IGF1R: variants seen among roughly 807,000 people sequenced by gnomAD.
The protein encoded by IGF1R is insulin like growth factor 1 receptor.
IGF1R carries 44 observed loss-of-function variants against 144.6 expected under a neutral mutation model. The ratio of observed to expected loss-of-function variants is 0.30; its 90% CI spans 0.24 to 0.39. The LOEUF (loss-of-function observed/expected upper bound fraction) is 0.39. IGF1R is among the 10% of genes least tolerant of loss of function. The pLI is 1.00. For missense variants in IGF1R, 1,355 were observed against 1,833.7 expected (o/e 0.74, Z 4.77); for synonymous variants, 795 against 722.8 (o/e 1.10, Z -1.60).
chr15:98,905,655 C>G (rs1483700072), intron 5 of IGF1R, among the ~76,000 whole-genome samples: 3 of 150,318 alleles, frequency 2.0e-5, no homozygotes, highest in Non-Finnish European at 4.4e-5. Flanking sequence ...CAGAGTGAGA[C>G]CCTGTCTCAA....
At chr15:98,726,704 C>T (rs1697703998) in intron 2 of IGF1R, among the ~76,000 whole-genome samples, 1 of 145,314 alleles carries the variant, frequency 6.9e-6, no homozygotes, top group Non-Finnish European at 1.5e-5. Flanking sequence ...TTCATTTTTA[C>T]ATTGATGATT....
chr15:98,914,703 C>G lies in IGF1R; in HGVS notation c.1829-1261C>G, dbSNP rs535109173. Among the ~76,000 whole-genome samples the G allele has an allele frequency of 5.3e-5, 8 of 152,314 alleles. No individual in the cohort carries two copies. The South Asian group carries it at 1.2e-3, about 24-fold the overall frequency. ...TGACAGATTCTCAAGAAACCTGTTTCCTTTCCACAAAGATGGAAACCAGGC... is the reference window on the plus strand; with the variant it reads ...TGACAGATTCTCAAGAAACCTGTTTGCTTTCCACAAAGATGGAAACCAGGC... On this transcript the variant is annotated intron_variant, in intron 8 of 20. Coordinates refer to ENST00000650285, the MANE Select transcript of IGF1R (RefSeq NM_000875.5).
intron 13 of IGF1R, among the ~76,000 whole-genome samples, chr15:98,925,388 A>T (rs1248655862): frequency 6.6e-6 from 1 of 152,266 alleles, no homozygotes; most frequent in African/African-American, 2.4e-5. Context: ...TTTGACCAAC[A>T]AAACTTAGTA....
intron 19 of IGF1R, among the ~76,000 whole-genome samples, chr15:98,947,238 T>G (rs553054485): frequency 6.6e-6 from 1 of 152,226 alleles, no homozygotes; most frequent in South Asian, 2.1e-4. Context: ...TTGCTAAGAT[T>G]CTATTTCTGT....
At chr15:98,720,600 A>G (rs1295263121) in intron 2 of IGF1R, among the ~76,000 whole-genome samples, 1 of 152,186 alleles carries the variant, frequency 6.6e-6, no homozygotes, top group Non-Finnish European at 1.5e-5. Context: ...CTGAGGGATA[A>G]CGGATGTAGG....
chr15:98,801,796 A>C (rs9282712), intron 2 of IGF1R, among the ~76,000 whole-genome samples: 19 of 152,280 alleles, frequency 1.2e-4, no homozygotes, highest in African/African-American at 4.1e-4. Context: ...CTGGGTTTTC[A>C]CTGCAGCTTT....
rs919628948 is a variant in IGF1R, at chr15:98,648,647, G to T, written c.-935G>T. The stretch of plus-strand genomic sequence containing the variant: ...GGAAAAAACCCGAGGAGGAGCGAGC[G>T]CACCAGGCGAACTCGAGAGAGGCGG... On this transcript the variant is annotated 5_prime_UTR_variant, in exon 1 of 21. Transcript: ENST00000650285. 2.7e-5 allele frequency among the ~76,000 whole-genome samples: 4 copies of T among 147,002 alleles called. No homozygotes were observed. The highest frequency in any genetic ancestry group is 9.8e-5 in the African/African-American group (4 of 40,752).
intron 1 of IGF1R, among the ~76,000 whole-genome samples, chr15:98,676,495 A>G (rs532336092): frequency 7.2e-5 from 11 of 152,076 alleles, no homozygotes; most frequent in African/African-American, 2.7e-4. Context: ...TGGTAAAATC[A>G]TTTTGTCTTA....
chr15:98,837,593 GGCCTCCCACCTCA>G (rs1480160136), intron 2 of IGF1R, among the ~76,000 whole-genome samples: 19 of 151,742 alleles, frequency 1.3e-4, no homozygotes, highest in African/African-American at 4.4e-4. Flanking sequence ...TCGAACTCCT[GGCCTCCCACCTCA>G]GCCTCCCAAC....
intron 2 of IGF1R, among the ~76,000 whole-genome samples, chr15:98,723,291 C>T (rs574805970): frequency 2.0e-5 from 3 of 152,144 alleles, no homozygotes; most frequent in Non-Finnish European, 4.4e-5. Flanking sequence ...GAATTCCAGA[C>T]GTTCTTCTTC....
chr15:98,650,956 G>T, intron 1 of IGF1R: 1 of 985,058 alleles, frequency 1.0e-6, no homozygotes, highest in Non-Finnish European at 1.2e-6. Context: ...AGGAGGTGGG[G>T]GTTTTATTCT....
intron 1 of IGF1R, among the ~76,000 whole-genome samples, chr15:98,690,724 A>G (rs2053456668): frequency 6.6e-6 from 1 of 152,174 alleles, no homozygotes; most frequent in Admixed American, 6.5e-5. Context: ...TACTCTCCCC[A>G]GTCTGCTTCA....
chr15:98,811,385 C>T (rs1297400682), intron 2 of IGF1R, among the ~76,000 whole-genome samples: 5 of 149,800 alleles, frequency 3.3e-5, no homozygotes, highest in East Asian at 2.0e-4. Context: ...AAAAAATTAG[C>T]CAGGCGTGGT....
At chr15:98,688,835 C>G (rs962239344) in intron 1 of IGF1R, among the ~76,000 whole-genome samples, 3 of 152,018 alleles carry the variant, frequency 2.0e-5, no homozygotes, top group African/African-American at 7.2e-5. Flanking sequence ...TATCAGACAT[C>G]CTGAGAGATT....
chr15:98,866,871 G>GGTAC (rs1178892527), intron 2 of IGF1R, among the ~76,000 whole-genome samples: 3 of 152,162 alleles, frequency 2.0e-5, no homozygotes, highest in Non-Finnish European at 4.4e-5. Flanking sequence ...GAATTCACTG[G>GGTAC]GTACGGGTAC....
At chr15:98,907,529 A>G (rs1439324953) in intron 5 of IGF1R, among the ~76,000 whole-genome samples, 1 of 152,266 alleles carries the variant, frequency 6.6e-6, no homozygotes, top group African/African-American at 2.4e-5. Flanking sequence ...CTTAGTAAGA[A>G]GCAGAGCAGG....
chr15:98,809,436 C>G (rs1392705047), intron 2 of IGF1R, among the ~76,000 whole-genome samples: 3 of 152,146 alleles, frequency 2.0e-5, no homozygotes, highest in Admixed American at 6.5e-5. Context: ...CTCCCAAGTT[C>G]CGCTGGCGTG....
intron 1 of IGF1R, among the ~76,000 whole-genome samples, chr15:98,692,867 C>T (rs1009202081): frequency 2.0e-5 from 3 of 152,102 alleles, no homozygotes; most frequent in Admixed American, 1.3e-4. Flanking sequence ...TAGCCACCCC[C>T]GCCCTAGATA....
At chr15:98,855,221 T>G (rs1349301807) in intron 2 of IGF1R, among the ~76,000 whole-genome samples, 1 of 152,210 alleles carries the variant, frequency 6.6e-6, no homozygotes, top group Non-Finnish European at 1.5e-5. Context: ...CAGTCTCATT[T>G]AATGGCACCA....
Sources: gnomAD v4.1 joint callset for allele counts (sites outside exome capture counted in the v4.1 genomes callset) on GRCh38, gnomAD v4.1.1 for gene constraint, MANE v1.5 for transcripts, NCBI Gene and HGNC (gene_info 2026-07-23, HGNC 2026-07-21) for gene names.